The following MITD1 variants were observed in gnomAD, a reference collection of about 807,000 sequenced individuals.
The protein encoded by MITD1 is microtubule interacting and trafficking domain containing 1.
A neutral mutation model predicts 34.9 loss-of-function variants in MITD1; 24 were observed. The observed-to-expected ratio is 0.69, with a 90% CI of 0.50 to 0.97. The LOEUF (loss-of-function observed/expected upper bound fraction) is 0.97. Among genes scored for constraint, MITD1 ranks in the 50% least tolerant of loss-of-function variants. MITD1 has a pLI of 0.00. For missense variants in MITD1, 266 were observed against 294.6 expected (o/e 0.90, Z 0.71); for synonymous variants, 102 against 101.4 (o/e 1.01, Z -0.04).
intron 2 of MITD1, 37 bp from the exon 3 acceptor site, chr2:99,171,683 C>A: frequency 6.4e-7 from 1 of 1,572,538 alleles, no homozygotes; most frequent in South Asian, 1.2e-5. Flanking sequence ...AACCAGTGAC[C>A]ATTTTTTTTT....
chr2:99,180,594 ATC>A, intron 1 of MITD1: 1 of 403,636 alleles, frequency 2.5e-6, no homozygotes, highest in Non-Finnish European at 4.5e-6. Context: ...TATATCTTAT[ATC>A]TCTTAAGTCT....
rs373477055 is a variant in MITD1, at chr2:99,171,533, G to A, written c.367C>T (p.Pro123Ser). The A allele has an allele frequency of 5.0e-6, 8 of 1,610,698 alleles. No homozygotes were observed. Among genetic ancestry groups the A allele is most frequent in the Non-Finnish European group, 6.8e-6 (8 of 1,177,384 alleles). ...ETVTEVWIED[P>S]YIRHTHQLYN... ...ACCTGATGAGTATGTCTAATATAAG[G>A]ATCTTCTATCCAAACTTCTGTAACT... Residue 123 changes from proline (P) to serine (S), a missense_variant, in exon 3 of 7, where the codon CCT (proline) becomes TCT (serine). Pro to Ser is a moderately conservative substitution (Grantham distance 74). Transcript: ENST00000289359.
At chr2:99,171,678 G>C (rs967658215) in intron 2 of MITD1, 32 bp from the exon 3 acceptor site, 1 of 1,582,526 alleles carries the variant, frequency 6.3e-7, no homozygotes, top group Non-Finnish European at 8.6e-7. Context: ...AGTAAAACCA[G>C]TGACCATTTT....
chr2:99,169,693 A>G, intron 5 of MITD1, 83 bp from the exon 6 acceptor site: 1 of 1,158,116 alleles, frequency 8.6e-7, no homozygotes, highest in Non-Finnish European at 1.3e-6. Context: ...AGTGTCAGCA[A>G]AATTTCCCCC....
chr2:99,162,348 AAATT>A (rs2105199939), intron 7 of MITD1: 1 of 1,613,802 alleles, frequency 6.2e-7, no homozygotes, highest in Non-Finnish European at 8.5e-7. Context: ...GGAAAATCTG[AAATT>A]AATTGTGAGA....
At chr2:99,165,613 T>C (rs1288906906), downstream of MITD1, among the ~76,000 whole-genome samples, 4 of 152,232 alleles carry the variant, frequency 2.6e-5, no homozygotes, top group East Asian at 7.7e-4. Flanking sequence ...ATAATTCATC[T>C]AAAGTTTAAA....
In MITD1 at chr2:99,169,452, A is replaced by AT. The variant is rs747021370; in HGVS notation, c.672dup (p.Tyr225IlefsTer3). 1.9e-6 allele frequency: 3 copies of AT among 1,604,628 alleles called. No homozygotes were observed. ...CATGGTCTTAAATCAAAATCACAATATCCAAGGGAAAAACGACTCTAAGAA... is the reference window on the plus strand; with the variant it reads ...CATGGTCTTAAATCAAAATCACAATATTCCAAGGGAAAAACGACTCTAAGAA... On this transcript the variant is annotated frameshift_variant, in exon 7 of 7. Transcript: ENST00000289359. LOFTEE classifies it high-confidence loss of function.
At chr2:99,179,713 C>CCAT (rs1421697970) in intron 1 of MITD1, among the ~76,000 whole-genome samples, 6 of 152,084 alleles carry the variant, frequency 3.9e-5, no homozygotes, top group African/African-American at 1.4e-4. Flanking sequence ...CAGGTGCGTG[C>CCAT]CACCATGCCC....
chr2:99,165,558 A>G (rs1458891541), downstream of MITD1, among the ~76,000 whole-genome samples: 1 of 152,220 alleles, frequency 6.6e-6, no homozygotes, highest in African/African-American at 2.4e-5. Context: ...CTGACCGCAT[A>G]TAAATAGTAT....
At chr2:99,175,225 T>G (rs1463958274) in intron 1 of MITD1, among the ~76,000 whole-genome samples, 3 of 152,176 alleles carry the variant, frequency 2.0e-5, no homozygotes, top group African/African-American at 7.2e-5. Context: ...CAAACCTTAT[T>G]TGAATTTCAC....
At chr2:99,165,933 A>G (rs1185858400), downstream of MITD1, among the ~76,000 whole-genome samples, 1 of 152,174 alleles carries the variant, frequency 6.6e-6, no homozygotes, top group Non-Finnish European at 1.5e-5. Context: ...ATAGTTTCCA[A>G]GCCAGTGATA....
At chr2:99,178,699 CT>C (rs2093899920) in intron 1 of MITD1, among the ~76,000 whole-genome samples, 1 of 152,026 alleles carries the variant, frequency 6.6e-6, no homozygotes, top group Non-Finnish European at 1.5e-5. Context: ...AAATAAATAT[CT>C]GTGAGAAAAG....
At chr2:99,165,689 G>C (rs1218228482), downstream of MITD1, among the ~76,000 whole-genome samples, 1 of 152,150 alleles carries the variant, frequency 6.6e-6, no homozygotes, top group Non-Finnish European at 1.5e-5. Flanking sequence ...CCACCTGGTA[G>C]GAGGTAGAGC....
intron 1 of MITD1, among the ~76,000 whole-genome samples, chr2:99,177,873 T>C (rs986860075): frequency 1.3e-5 from 2 of 152,212 alleles, no homozygotes; most frequent in African/African-American, 4.8e-5. Context: ...TCCCAGCTTC[T>C]GGTAACCACT....
intron 7 of MITD1, among the ~76,000 whole-genome samples, chr2:99,163,887 C>A (rs1329093510): frequency 6.6e-6 from 1 of 152,138 alleles, no homozygotes; most frequent in Non-Finnish European, 1.5e-5. Context: ...AAGCTCTTAA[C>A]CCTTCCCTAA....
At chr2:99,169,019 C>A (rs2093840454), downstream of MITD1, among the ~76,000 whole-genome samples, 1 of 125,800 alleles carries the variant, frequency 7.9e-6, no homozygotes, top group African/African-American at 3.0e-5. Context: ...TCTTTAAAAG[C>A]ACTCTAATCC....
intron 7 of MITD1, chr2:99,162,711 G>A (rs750305370): frequency 4.6e-5 from 74 of 1,614,148 alleles, no homozygotes; most frequent in Non-Finnish European, 5.8e-5. Context: ...AAACCCAACG[G>A]ATGAGACACT....
At chr2:99,163,918 C>T (rs1284925459) in intron 7 of MITD1, among the ~76,000 whole-genome samples, 1 of 152,064 alleles carries the variant, frequency 6.6e-6, no homozygotes, top group African/African-American at 2.4e-5. Context: ...CATCATTTCC[C>T]TTCTATCCCA....
At position 99,174,026 on chromosome 2, in the gene MITD1, T is replaced by A. The variant is rs766612949; in HGVS notation, c.152-10A>T. ...GTATTATCTTTGGTACCTACAAATTTAAAAATATATATTATCAAGTATCAA... is the reference window on the plus strand; with the variant it reads ...GTATTATCTTTGGTACCTACAAATTAAAAAATATATATTATCAAGTATCAA... On this transcript the variant is annotated splice_polypyrimidine_tract_variant and intron_variant, in intron 1 of 6. Transcript: ENST00000289359. 8.3e-7 allele frequency: 1 copy of A among 1,208,314 alleles called. No homozygotes were observed. Among genetic ancestry groups the A allele is most frequent in the African/African-American group, 1.5e-5 (1 of 65,014 alleles). 74.8% of individuals were successfully genotyped at this position (1,208,314 alleles called of 1,614,324 possible). A position where few individuals can be genotyped will look rare whatever the true frequency, so the allele number is the denominator to read the frequency against.
Sources: gnomAD v4.1 joint callset for allele counts (sites outside exome capture counted in the v4.1 genomes callset) on GRCh38, gnomAD v4.1.1 for gene constraint, MANE v1.5 for transcripts, NCBI Gene and HGNC (gene_info 2026-07-23, HGNC 2026-07-21) for gene names.